The following NCAM2 variants were observed in gnomAD, a reference collection of about 807,000 sequenced individuals.
NCAM2 encodes the protein N-CAM-2.
Under a neutral mutation model 98.1 loss-of-function variants are expected in NCAM2, and 30 were observed. The ratio of observed to expected loss-of-function variants is 0.31; its 90% CI spans 0.23 to 0.41. The LOEUF (loss-of-function observed/expected upper bound fraction) is 0.41, where lower values mean the gene tolerates loss of function less well. Ranked by LOEUF, NCAM2 falls within the 10% of genes least tolerant of loss-of-function variation. NCAM2 has a pLI of 1.00. For missense variants in NCAM2, 867 were observed against 1,005.8 expected (o/e 0.86, Z 1.87); for synonymous variants, 368 against 342.4 (o/e 1.07, Z -0.83).
intron 1 of NCAM2, among the ~76,000 whole-genome samples, chr21:21,150,939 T>A (rs1569079343): frequency 1.3e-5 from 2 of 150,870 alleles, no homozygotes; most frequent in Admixed American, 1.3e-4. Flanking sequence ...ATGGGCTATG[T>A]CATCTTGGCT....
chr21:21,064,070 G>T (rs1195478488), intron 1 of NCAM2, among the ~76,000 whole-genome samples: 1 of 152,150 alleles, frequency 6.6e-6, no homozygotes, highest in African/African-American at 2.4e-5. Context: ...ATCTTAAGTA[G>T]AAGGAGCAGA....
intron 1 of NCAM2, among the ~76,000 whole-genome samples, chr21:21,238,218 G>A (rs999811710): frequency 6.6e-6 from 1 of 151,902 alleles, no homozygotes; most frequent in Non-Finnish European, 1.5e-5. Flanking sequence ...CGGCCTCCCA[G>A]AGTGCTGGGA....
intron 1 of NCAM2, among the ~76,000 whole-genome samples, chr21:21,165,614 G>A (rs762612348): frequency 2.6e-5 from 4 of 152,134 alleles, no homozygotes; most frequent in Non-Finnish European, 5.9e-5. Context: ...TGGGGTAACC[G>A]AGGCCTGCTC....
chr21:21,489,201 G>C (rs1025379081), intron 15 of NCAM2, among the ~76,000 whole-genome samples: 1 of 151,976 alleles, frequency 6.6e-6, no homozygotes, highest in Non-Finnish European at 1.5e-5. Flanking sequence ...CACCATGTTG[G>C]CCAGGCTGGT....
At chr21:21,026,177 G>A (rs1196809019) in intron 1 of NCAM2, among the ~76,000 whole-genome samples, 1 of 152,136 alleles carries the variant, frequency 6.6e-6, no homozygotes, top group Admixed American at 6.6e-5. Flanking sequence ...GCAAGAGCCG[G>A]GCTCAGCATC....
intron 12 of NCAM2, among the ~76,000 whole-genome samples, chr21:21,463,500 A>G (rs1241789219): frequency 6.6e-6 from 1 of 152,174 alleles, no homozygotes; most frequent in African/African-American, 2.4e-5. Context: ...AAGGTTATCT[A>G]TAAAACCTCT....
chr21:21,346,208 C>CAAAAAAAA (rs57663409), intron 8 of NCAM2, among the ~76,000 whole-genome samples: 1 of 112,522 alleles, frequency 8.9e-6, no homozygotes, highest in Admixed American at 8.6e-5. Flanking sequence ...CAACTGAAAC[C>CAAAAAAAA]AAAAAAAAAA....
At chr21:21,304,205 T>C (rs1458997509) in intron 5 of NCAM2, among the ~76,000 whole-genome samples, 1 of 152,102 alleles carries the variant, frequency 6.6e-6, no homozygotes, top group African/African-American at 2.4e-5. Context: ...ACTAAGATTT[T>C]CCCCAATTCT....
chr21:21,473,311 T>TAC (rs202001363), intron 14 of NCAM2, among the ~76,000 whole-genome samples: 4,601 of 147,060 alleles, frequency 0.031, 109 homozygotes, highest in South Asian at 0.073. Flanking sequence ...TATATATATA[T>TAC]AAAAATATAT....
chr21:21,493,033 A>T (rs1483000252), intron 15 of NCAM2, among the ~76,000 whole-genome samples: 2 of 151,930 alleles, frequency 1.3e-5, no homozygotes, highest in Admixed American at 6.6e-5. Context: ...TTCTTAGTGC[A>T]TGTTGGCAGA....
chr21:21,409,853 G>A lies in NCAM2; in HGVS notation c.1196-421G>A, dbSNP rs555077248. The stretch of plus-strand genomic sequence containing the variant: ...AGGCTGGGAGCGGTGGCTCACGCCT[G>A]TAATTCCAGCACTTTGGGAGTCTGA... On this transcript the variant is annotated intron_variant, in intron 9 of 17. Coordinates refer to ENST00000400546, the MANE Select transcript of NCAM2 (RefSeq NM_004540.5). Among the ~76,000 whole-genome samples, 5 of 152,306 alleles carry A rather than the reference G, an allele frequency of 3.3e-5. No homozygotes were observed. The South Asian group carries it at 1.0e-3, about 32-fold the overall frequency.
intron 9 of NCAM2, among the ~76,000 whole-genome samples, chr21:21,386,908 T>C (rs890250107): frequency 2.6e-5 from 4 of 152,140 alleles, no homozygotes; most frequent in Admixed American, 2.0e-4. Flanking sequence ...CAGTCAGAAA[T>C]ACTAAAGTCT....
At chr21:21,086,837 G>A (rs186572310) in intron 1 of NCAM2, among the ~76,000 whole-genome samples, 17 of 152,174 alleles carry the variant, frequency 1.1e-4, no homozygotes, top group Admixed American at 1.1e-3. Context: ...AAGGGTGTGT[G>A]TGTGTGTGTG....
intron 1 of NCAM2, among the ~76,000 whole-genome samples, chr21:21,014,913 C>A (rs139433392): frequency 2.5e-3 from 381 of 152,190 alleles, no homozygotes; most frequent in Middle Eastern, 6.8e-3. Context: ...AGTTATTCCT[C>A]GTATTTCTCC....
At chr21:21,217,327 A>G (rs934189028) in intron 1 of NCAM2, among the ~76,000 whole-genome samples, 6 of 152,138 alleles carry the variant, frequency 3.9e-5, no homozygotes, top group African/African-American at 9.7e-5. Context: ...AAGTCCAAAA[A>G]CAAGAGCATG....
At chr21:21,142,748 T>C (rs1397545462) in intron 1 of NCAM2, among the ~76,000 whole-genome samples, 6 of 152,230 alleles carry the variant, frequency 3.9e-5, no homozygotes, top group Non-Finnish European at 7.3e-5. Flanking sequence ...GCAAAGTGCA[T>C]ATAATAAAGT....
intron 1 of NCAM2, among the ~76,000 whole-genome samples, chr21:21,010,543 A>G (rs1334151905): frequency 1.3e-5 from 2 of 152,138 alleles, no homozygotes; most frequent in African/African-American, 4.8e-5. Flanking sequence ...TACACTGTGC[A>G]TTAATACAGC....
chr21:21,391,036 AC>A (rs1474289710), intron 9 of NCAM2, among the ~76,000 whole-genome samples: 2 of 152,078 alleles, frequency 1.3e-5, no homozygotes, highest in Non-Finnish European at 2.9e-5. Context: ...TCGTTTAAAA[AC>A]CTTTGATTTT....
Position 21,335,475 on chromosome 21 carries a change from G to T in NCAM2, c.738-30G>T, listed in dbSNP as rs774648332. 2.4e-5 allele frequency: 37 copies of T among 1,560,080 alleles called. No individual in the cohort carries two copies. In the South Asian group the frequency reaches 4.2e-4, roughly 18 times the overall value. ...TCTACTAAATTATAAAGCCAGATCT[G>T]TGAGGATGAACCTCTTTTTTCTTCT... On this transcript the variant is annotated intron_variant, in intron 6 of 17. Coordinates refer to ENST00000400546, the MANE Select transcript of NCAM2 (RefSeq NM_004540.5).
Sources: allele counts gnomAD v4.1 joint callset (sites outside exome capture counted in the v4.1 genomes callset), GRCh38; gene constraint gnomAD v4.1.1; transcripts MANE v1.5; gene names NCBI Gene and HGNC (gene_info 2026-07-23, HGNC 2026-07-21).